The following DMBT1 variants were observed in gnomAD, a reference collection of about 807,000 sequenced individuals.
DMBT1 encodes the protein deleted in malignant brain tumors 1.
In DMBT1, 198 loss-of-function variants were observed where a neutral mutation model predicts 252.9. The ratio of observed to expected loss-of-function variants is 0.78; its 90% CI spans 0.70 to 0.88. The LOEUF (loss-of-function observed/expected upper bound fraction) is 0.88, where lower values mean the gene tolerates loss of function less well. Ranked by LOEUF, DMBT1 falls within the 40% of genes least tolerant of loss-of-function variation. The pLI, the probability that DMBT1 is intolerant of heterozygous loss-of-function variation, is 0.00. For missense variants in DMBT1, 2,432 were observed against 2,404.7 expected (o/e 1.01, Z -0.24); for synonymous variants, 990 against 942.7 (o/e 1.05, Z -0.92).
At chr10:122,566,801 A>G (rs1173625815) in intron 2 of DMBT1, among the ~76,000 whole-genome samples, 2 of 152,232 alleles carry the variant, frequency 1.3e-5, no homozygotes, top group Admixed American at 1.3e-4. Context: ...TATTATCATG[A>G]AATCTTTCCA....
In DMBT1 at chr10:122,568,458, A is replaced by T. The variant is rs544172582; in HGVS notation, c.92-1704A>T. Among the ~76,000 whole-genome samples, 9 of 152,268 alleles carry T rather than the reference A, an allele frequency of 5.9e-5. 1 individual carries two copies. The South Asian group carries it at 6.2e-4, about 11-fold the overall frequency. On this transcript the variant is annotated intron_variant, in intron 2 of 55. Transcript: ENST00000338354. ...AAAGAGAGAACATGGAAGAACAAGG[A>T]TACTTAAGATCCTGCTGGGAGAAAG...
At chr10:122,632,748 A>C in intron 50 of DMBT1, 113 bp from the exon 51 acceptor site, 1 of 1,417,794 alleles carries the variant, frequency 7.1e-7, no homozygotes, top group Non-Finnish European at 9.7e-7. Flanking sequence ...GCCTGTGTCC[A>C]GCTCCTCCCT....
Position 122,573,576 on chromosome 10 carries a change from A to C in DMBT1, c.236-139A>C. On this transcript the variant is annotated intron_variant, in intron 5 of 55. Coordinates refer to ENST00000338354, the MANE Select transcript of DMBT1 (RefSeq NM_001377530.1). ...CCAGTACAATGACAAAGCGATTGGC[A>C]CATGGTTGGCTTTTAGCAATGGATG... The C allele has an allele frequency of 1.0e-5, 11 of 1,056,834 alleles. No homozygotes were observed. In the South Asian group the frequency reaches 1.5e-4, roughly 15 times the overall value. The allele number at this position is 1,056,834 out of a possible 1,614,324, so 65.5% of individuals were successfully genotyped here. A position where few individuals can be genotyped will look rare whatever the true frequency, so the allele number is the denominator to read the frequency against.
At position 122,618,281 on chromosome 10, in the gene DMBT1, A is replaced by C. The variant is rs775435457; in HGVS notation, c.5156A>C (p.His1719Pro). Residue 1719 changes from histidine to proline, a missense_variant, in exon 41 of 56, where the codon CAC becomes CCC. His to Pro is a moderately conservative substitution (Grantham distance 77). Coordinates refer to ENST00000338354, the MANE Select transcript of DMBT1 (RefSeq NM_001377530.1). ...GHESYLWSCP[H>P]NGWLSHNCGH... is the part of the protein sequence containing the mutation. ...GAGTCTTACCTGTGGAGCTGCCCCC[A>C]CAATGGCTGGCTCTCCCACAACTGT... 5 of 1,613,820 alleles carry C rather than the reference A, an allele frequency of 3.1e-6. No homozygotes were observed. The South Asian group carries it at 5.5e-5, about 18-fold the overall frequency.
intron 16 of DMBT1, among the ~76,000 whole-genome samples, chr10:122,587,145 C>G (rs1468359956): frequency 6.7e-6 from 1 of 148,330 alleles, no homozygotes; most frequent in Non-Finnish European, 1.5e-5. Context: ...CTATAGCATG[C>G]TGCCTCTCCA....
At position 122,560,757 on chromosome 10, in the gene DMBT1, A is replaced by G; in HGVS notation, c.-14A>G. 6.4e-7 allele frequency: 1 copy of G among 1,561,702 alleles called. No homozygotes were observed. Among genetic ancestry groups the G allele is most frequent in the East Asian group, 2.4e-5 (1 of 42,456 alleles). ...GTCCAGGATTTTCTATTCAATTGAG[A>G]AGAACCCAGCAAAATGGGGATCTCC... On this transcript the variant is annotated 5_prime_UTR_variant, in exon 1 of 56. Coordinates refer to ENST00000338354, the MANE Select transcript of DMBT1 (RefSeq NM_001377530.1).
At chr10:122,588,761 G>T (rs1228599307) in intron 16 of DMBT1, among the ~76,000 whole-genome samples, 183 bp from the exon 17 acceptor site, 1 of 148,928 alleles carries the variant, frequency 6.7e-6, no homozygotes, top group Non-Finnish European at 1.5e-5. Context: ...TAAACCCAAG[G>T]AGAATAGTGT....
intron 9 of DMBT1, among the ~76,000 whole-genome samples, 199 bp from the exon 10 acceptor site, chr10:122,579,379 G>C (rs889910160): frequency 6.6e-6 from 1 of 152,154 alleles, no homozygotes; most frequent in African/African-American, 2.4e-5. Context: ...TTCCCCAAAA[G>C]TTGAGCATCC....
At chr10:122,635,433 G>A (rs979039669) in intron 52 of DMBT1, among the ~76,000 whole-genome samples, 1 of 152,216 alleles carries the variant, frequency 6.6e-6, no homozygotes, top group African/African-American at 2.4e-5. Context: ...GTGAGGGGCT[G>A]TAGATTTCAT....
chr10:122,629,771 C>A, intron 46 of DMBT1, 69 bp from the exon 47 acceptor site: 1 of 1,551,874 alleles, frequency 6.4e-7, no homozygotes, highest in Admixed American at 1.8e-5. Context: ...GATACTTACA[C>A]AGATGATTCC....
At chr10:122,571,841 G>A (rs146833334) in intron 4 of DMBT1, among the ~76,000 whole-genome samples, 30 of 152,332 alleles carry the variant, frequency 2.0e-4, no homozygotes, top group East Asian at 7.7e-4. Context: ...AGGGGGCATC[G>A]TCCTCCATGC....
At chr10:122,617,697 G>A (rs1025995874) in intron 40 of DMBT1, among the ~76,000 whole-genome samples, 1 of 151,632 alleles carries the variant, frequency 6.6e-6, no homozygotes, top group Non-Finnish European at 1.5e-5. Flanking sequence ...TAAACATGGG[G>A]CCAGCATGGG....
At chr10:122,598,066 G>A in intron 25 of DMBT1, 54 bp downstream of exon 25, 2 of 1,611,540 alleles carry the variant, frequency 1.2e-6, no homozygotes, top group African/African-American at 1.3e-5. Context: ...CTGGACAAAT[G>A]TTTTTTCTGA....
intron 16 of DMBT1, among the ~76,000 whole-genome samples, chr10:122,588,074 GC>G (rs1044381188): frequency 2.0e-5 from 3 of 148,518 alleles, no homozygotes; most frequent in African/African-American, 7.3e-5. Flanking sequence ...TCCTTTTGGA[GC>G]TTTTCACCCT....
intron 44 of DMBT1, among the ~76,000 whole-genome samples, chr10:122,622,190 C>T (rs1235750536): frequency 1.3e-5 from 2 of 152,152 alleles, no homozygotes; most frequent in Non-Finnish European, 2.9e-5. Flanking sequence ...TTATAAGGAG[C>T]GTCTTTGAAT....
At position 122,617,238 on chromosome 10, in the gene DMBT1, A is replaced by G; in HGVS notation, c.4869A>G (p.Pro1623=). 2 of 1,609,906 alleles carry G rather than the reference A, an allele frequency of 1.2e-6. No homozygotes were observed. Among genetic ancestry groups the G allele is most frequent in the Non-Finnish European group, 1.7e-6 (2 of 1,178,974 alleles). Residue 1623 remains proline, a synonymous_variant, in exon 40 of 56, where the codon CCA becomes CCG. Transcript: ENST00000338354. ...TGTTGCTATTTACAGACACTTGGCC[A>G]ACCTCTCGTGCATCAACAGCAGGTA... The part of the protein sequence containing the change: ...SQPTPSPDTW[P]TSRASTAGSE...
In DMBT1 at chr10:122,592,481, G is replaced by T; in HGVS notation, c.2386G>T (p.Val796Phe). ...ARFGQGSGPIVLDDVRCSGHE... is the reference protein window; with the variant it reads ...ARFGQGSGPIFLDDVRCSGHE... The stretch of plus-strand genomic sequence containing the variant: ...GTTTGGCCAGGGCTCAGGACCCATT[G>T]TTCTGGATGATGTGCGCTGCTCAGG... Residue 796 changes from valine (V) to phenylalanine (F), a missense_variant, in exon 20 of 56, where the codon GTT becomes TTT. By Grantham distance (50) the Val-to-Phe change is conservative (BLOSUM62 -1). Transcript: ENST00000338354. 3 of 1,588,192 alleles carry T rather than the reference G, an allele frequency of 1.9e-6. No homozygotes were observed. The highest frequency in any genetic ancestry group is 8.6e-7 in the Non-Finnish European group (1 of 1,165,646).
Position 122,578,334 on chromosome 10 carries a change from C to T in DMBT1, c.638-384C>T, listed in dbSNP as rs143957274. Among the ~76,000 whole-genome samples the T allele has an allele frequency of 2.6e-5, 4 of 152,294 alleles. No homozygotes were observed. The East Asian group carries it at 7.7e-4, about 29-fold the overall frequency. On this transcript the variant is annotated intron_variant, in intron 8 of 55. Coordinates refer to ENST00000338354, the MANE Select transcript of DMBT1 (RefSeq NM_001377530.1). ...GGCTAAGAAATGTTTCTGGTGCCTT[C>T]ACTTACCAGGAAACCTGATTTCCCC...
In DMBT1 at chr10:122,589,034, C is replaced by G; in HGVS notation, c.1874C>G (p.Thr625Ser). 6.3e-7 allele frequency: 1 copy of G among 1,588,642 alleles called. No individual in the cohort carries two copies. Among genetic ancestry groups the G allele is most frequent in the South Asian group, 1.2e-5 (1 of 86,918 alleles). The part of the protein sequence containing the change: ...VEVLYRGSWG[T>S]VCDDSWDTND... ...GTCCTATACCGAGGCTCTTGGGGCA[C>G]CGTGTGTGATGACAGCTGGGACACC... The change falls in exon 17 of 56, where the codon ACC (threonine) becomes AGC (serine). Residue 625 changes from threonine to serine, a missense_variant. Physicochemically the swap from Thr to Ser is moderately conservative, Grantham distance 58. Transcript: ENST00000338354.
Sources: gnomAD v4.1 joint callset for allele counts (sites outside exome capture counted in the v4.1 genomes callset) on GRCh38, gnomAD v4.1.1 for gene constraint, MANE v1.5 for transcripts, NCBI Gene and HGNC (gene_info 2026-07-23, HGNC 2026-07-21) for gene names.